ANK2: variants seen among roughly 807,000 people sequenced by gnomAD.
The protein encoded by ANK2 is ankyrin 2.
In ANK2, 83 loss-of-function variants were observed where a neutral mutation model predicts 360.5. That is an observed-to-expected ratio of 0.23 (90% CI 0.19 to 0.28). ANK2 has a LOEUF of 0.28. Among genes scored for constraint, ANK2 ranks in the 10% least tolerant of loss-of-function variants. ANK2 has a pLI of 1.00. For synonymous variants in ANK2, 1,740 were observed against 1,759.5 expected (o/e 0.99, Z 0.28); for missense variants, 4,201 against 4,795.7 (o/e 0.88, Z 3.66).
intron 1 of ANK2, among the ~76,000 whole-genome samples, chr4:113,161,939 A>G (rs1324138873): frequency 6.6e-6 from 1 of 151,928 alleles, no homozygotes; most frequent in Non-Finnish European, 1.5e-5. Context: ...CCCAGAGGTC[A>G]CTCTATGGCC....
intron 1 of ANK2, among the ~76,000 whole-genome samples, chr4:112,824,296 C>T (rs1171130955): frequency 1.3e-5 from 2 of 151,940 alleles, no homozygotes; most frequent in African/African-American, 2.4e-5. Context: ...CTTCCAGCCT[C>T]AGCCTCCCAG....
At chr4:113,143,682 T>C (rs1286305017) in intron 1 of ANK2, among the ~76,000 whole-genome samples, 1 of 152,206 alleles carries the variant, frequency 6.6e-6, no homozygotes, top group Non-Finnish European at 1.5e-5. Flanking sequence ...AGTTCATATA[T>C]GTTCAAGAAG....
chr4:113,135,024 G>A (rs1380446966), intron 1 of ANK2, among the ~76,000 whole-genome samples: 1 of 152,176 alleles, frequency 6.6e-6, no homozygotes, highest in Non-Finnish European at 1.5e-5. Context: ...GTTTCACAGT[G>A]GCAAAGAATG....
intron 45 of ANK2, 109 bp from the exon 46 acceptor site, chr4:113,381,348 C>T: frequency 8.4e-7 from 1 of 1,193,640 alleles, no homozygotes; most frequent in Non-Finnish European, 1.2e-6. Context: ...GCTGTGGAAA[C>T]ATCTAAAGGT....
the ANK2 span, chr4:112,738,657 C>G: frequency 7.0e-6 from 4 of 570,312 alleles, no homozygotes; most frequent in Non-Finnish European, 1.4e-5. Flanking sequence ...TGGCAGCCAT[C>G]TCCTCCTCAG....
At chr4:112,831,684 T>C (rs2149679567) in intron 1 of ANK2, among the ~76,000 whole-genome samples, 1 of 152,286 alleles carries the variant, frequency 6.6e-6, no homozygotes, top group South Asian at 2.1e-4. Context: ...TTTCATGCTG[T>C]GGAAGCTTTG....
At position 113,364,979 on chromosome 4, in the gene ANK2, GAA is replaced by G. The variant is rs1388469776; in HGVS notation, c.10889-58_10889-57del. The G allele has an allele frequency of 1.9e-6, 3 of 1,606,338 alleles. No homozygotes were observed. In the African/African-American group the frequency reaches 4.0e-5, roughly 21 times the overall value. ...CAAAAATTTAGTAAGGCAGTTGAGT[GAA>G]AGAGATTTTTAAGAGTACCTCTCAG... On this transcript the variant is annotated intron_variant, in intron 40 of 45. Coordinates refer to ENST00000357077, the MANE Select transcript of ANK2 (RefSeq NM_001148.6).
chr4:112,707,357 A>T, the ANK2 span, among the ~76,000 whole-genome samples: 10 of 152,208 alleles, frequency 6.6e-5, no homozygotes, highest in Non-Finnish European at 1.3e-4. Flanking sequence ...GTTTATGGGC[A>T]TTTTTTAATG....
chr4:113,236,862 C>G, intron 5 of ANK2, 125 bp from the exon 6 acceptor site: 1 of 973,812 alleles, frequency 1.0e-6, no homozygotes, highest in Non-Finnish European at 1.6e-6. Context: ...TCTAATCTTC[C>G]CAGTAATATT....
rs535004492 is a variant in ANK2, at chr4:113,156,339, A to G, written c.85-18077A>G. Among the ~76,000 whole-genome samples, 13 of 149,498 alleles carry G rather than the reference A, an allele frequency of 8.7e-5. 1 individual carries two copies. In the East Asian group the frequency reaches 2.2e-3, roughly 25 times the overall value. On this transcript the variant is annotated intron_variant, in intron 1 of 45. Transcript: ENST00000357077. Reference sequence around the variant, plus strand: ...TTTCAACATCATGAAAGCATTACCTACACAAACGTATAGAGTATATGTAGA... The same window carrying G: ...TTTCAACATCATGAAAGCATTACCTGCACAAACGTATAGAGTATATGTAGA...
At position 113,373,438 on chromosome 4, in the gene ANK2, G is replaced by A. The variant is rs746413508; in HGVS notation, c.11848G>A (p.Glu3950Lys). ...IKRVVLKSDTEQSEDNNE is the reference protein window; with the variant it reads ...IKRVVLKSDTKQSEDNNE ...GCGTGTTGTATTGAAGAGTGACACC[G>A]AGCAGTCAGAGGTGAGACAACCTGA... The change falls in exon 45 of 46, where the codon GAG (glutamate) becomes AAG (lysine). Residue 3950 changes from glutamate to lysine, a missense_variant. Physicochemically the swap from Glu to Lys is moderately conservative, Grantham distance 56. Coordinates refer to ENST00000357077, the MANE Select transcript of ANK2 (RefSeq NM_001148.6). 17 of 1,614,000 alleles carry A rather than the reference G, an allele frequency of 1.1e-5. No homozygotes were observed. Among genetic ancestry groups the A allele is most frequent in the Middle Eastern group, 1.6e-4 (1 of 6,084 alleles).
chr4:113,217,419 C>A (rs114043188), intron 4 of ANK2, among the ~76,000 whole-genome samples: 2 of 152,000 alleles, frequency 1.3e-5, no homozygotes, highest in Admixed American at 1.3e-4. Context: ...TTTCAAGTAG[C>A]CTTAAATTTT....
chr4:112,764,800 G>C, the ANK2 span, among the ~76,000 whole-genome samples: 1 of 147,310 alleles, frequency 6.8e-6, no homozygotes. Flanking sequence ...CTCCACCTCC[G>C]GGGTTCAAGC....
rs114918467 is a variant in ANK2 at position 112,919,554 on chromosome 4, C to T, written c.21+15040C>T. 2.7e-3 allele frequency among the ~76,000 whole-genome samples: 411 copies of T among 151,950 alleles called. 2 individuals carry two copies. The highest frequency in any genetic ancestry group is 8.7e-3 in the African/African-American group (360 of 41,464). On this transcript the variant is annotated intron_variant, in intron 2 of 30. Transcript: ENST00000503271. ...TTAATGTGCCTAAGTATTAACAGTGCGAGATACATAGAACTTTCAATATTC... is the reference window on the plus strand; with the variant it reads ...TTAATGTGCCTAAGTATTAACAGTGTGAGATACATAGAACTTTCAATATTC...
In ANK2 at chr4:113,358,031, C is replaced by T. The variant is rs2095911041; in HGVS notation, c.9413C>T (p.Ser3138Phe). ...CACTTTTTCCAAATTGGTCAAGAAT[C>T]CAGGGAAGAGACTCTCTCTGAAGAT... ...SFHFFQIGQE[S>F]REETLSEDVK... Residue 3138 changes from serine to phenylalanine, a missense_variant, in exon 38 of 46, where the codon TCC becomes TTC. By Grantham distance (155) the Ser-to-Phe change is radical. Coordinates refer to ENST00000357077, the MANE Select transcript of ANK2 (RefSeq NM_001148.6). The T allele has an allele frequency of 6.2e-7, 1 of 1,613,986 alleles. No individual in the cohort carries two copies. The highest frequency in any genetic ancestry group is 8.5e-7 in the Non-Finnish European group (1 of 1,179,958).
At position 113,319,298 on chromosome 4, in the gene ANK2, G is replaced by A. The variant is rs540820814; in HGVS notation, c.2900+678G>A. On this transcript the variant is annotated intron_variant, in intron 26 of 45. Coordinates refer to ENST00000357077, the MANE Select transcript of ANK2 (RefSeq NM_001148.6). ...TGTTCTTAAGGTGTTCAGTTATGTG[G>A]AATATAAATTCTTTAAGGAGTTTTA... is the stretch of plus-strand genomic sequence containing the variant. 4.1e-3 allele frequency among the ~76,000 whole-genome samples: 626 copies of A among 151,864 alleles called. 1 individual carries two copies. Among genetic ancestry groups the A allele is most frequent in the African/African-American group, 0.014 (600 of 41,460 alleles).
At chr4:113,196,499 T>A (rs956637063) in intron 3 of ANK2, 33 bp downstream of exon 3, 1 of 1,541,930 alleles carries the variant, frequency 6.5e-7, no homozygotes, top group Admixed American at 1.7e-5. Flanking sequence ...ATTTTTTTCC[T>A]TAGAAAAGCG....
At chr4:112,820,118 T>C (rs1424399993) in intron 1 of ANK2, among the ~76,000 whole-genome samples, 9 of 152,242 alleles carry the variant, frequency 5.9e-5, no homozygotes, top group Admixed American at 5.9e-4. Flanking sequence ...AACACAGTAA[T>C]GTGAAAAGAA....
intron 2 of ANK2, among the ~76,000 whole-genome samples, chr4:112,934,526 C>T (rs1054529757): frequency 4.6e-5 from 7 of 152,126 alleles, no homozygotes; most frequent in African/African-American, 7.2e-5. Context: ...TTAGTCAATT[C>T]AGTGGTATTT....
Sources: allele counts gnomAD v4.1 joint callset (sites outside exome capture counted in the v4.1 genomes callset), GRCh38; gene constraint gnomAD v4.1.1; transcripts MANE v1.5; gene names NCBI Gene and HGNC (gene_info 2026-07-23, HGNC 2026-07-21).